Variants in WDR64 observed in about 807,000 individuals in gnomAD.
The protein encoded by WDR64 is WD repeat domain 64, also known as WD repeat-containing protein 64.
A neutral mutation model predicts 139.3 loss-of-function variants in WDR64; 112 were observed. That is an observed-to-expected ratio of 0.80 (90% CI 0.69 to 0.94). The LOEUF (loss-of-function observed/expected upper bound fraction) is 0.94, where lower values mean the gene tolerates loss of function less well. Among genes scored for constraint, WDR64 ranks in the 40% least tolerant of loss-of-function variants. The probability of loss-of-function intolerance (pLI) is 0.00; values close to 1 mark genes in which losing one functional copy is unlikely to be tolerated. For missense variants in WDR64, 1,206 were observed against 1,293.1 expected, an observed-to-expected ratio of 0.93 and a Z score of 1.03; for synonymous variants, 444 against 437.7, an observed-to-expected ratio of 1.01 and a Z score of -0.18.
At chr1:241,674,256 C>CTTTTTTTTTTTTTTTTTTTTTT (rs544401027) in intron 3 of WDR64, among the ~76,000 whole-genome samples, 2 of 121,350 alleles carry the variant, frequency 1.6e-5, no homozygotes, top group African/African-American at 6.0e-5. Context: ...CTTTTTTTTT[C>CTTTTTTTTTTTTTTTTTTTTTT]TTTTCTTTTT....
chr1:241,711,384 A>G (rs920059672), intron 8 of WDR64, among the ~76,000 whole-genome samples: 2 of 152,166 alleles, frequency 1.3e-5, no homozygotes, highest in African/African-American at 4.8e-5. Context: ...GGAAAAATTA[A>G]CAGGACTTGA....
In WDR64 at chr1:241,741,598, C is replaced by G; in HGVS notation, c.1404C>G (p.Ile468Met). The G allele has an allele frequency of 6.2e-7, 1 of 1,613,400 alleles. No homozygotes were observed. The highest frequency in any genetic ancestry group is 2.2e-5 in the East Asian group (1 of 44,820). Reference protein sequence around the residue: ...KQVPHTHEREINVMLYNKYFH... With the variant: ...KQVPHTHEREMNVMLYNKYFH... ...TTCCTCACACTCATGAACGAGAAAT[C>G]AATGTCATGCTTTACAACAAATATT... Residue 468 changes from isoleucine (I) to methionine (M), a missense_variant, in exon 12 of 28, where the codon ATC becomes ATG. Transcript: ENST00000437684.
At chr1:241,655,588 A>G (rs1665556802) in intron 1 of WDR64, among the ~76,000 whole-genome samples, 2 of 152,016 alleles carry the variant, frequency 1.3e-5, no homozygotes, top group African/African-American at 2.4e-5. Flanking sequence ...AACTCCTGGC[A>G]TTTCCCTTCA....
At chr1:241,783,828 AT>A (rs1658938732) in intron 23 of WDR64, among the ~76,000 whole-genome samples, 1 of 152,186 alleles carries the variant, frequency 6.6e-6, no homozygotes, top group East Asian at 1.9e-4. Context: ...ATTGTTATCA[AT>A]TACCTAGATA....
chr1:241,730,993 A>G (rs1476477992), intron 10 of WDR64, among the ~76,000 whole-genome samples: 1 of 152,166 alleles, frequency 6.6e-6, no homozygotes, highest in African/African-American at 2.4e-5. Context: ...CAAAACTCAA[A>G]ATATTCACAA....
intron 2 of WDR64, among the ~76,000 whole-genome samples, chr1:241,662,738 G>A (rs960655747): frequency 6.6e-6 from 1 of 152,154 alleles, no homozygotes; most frequent in Non-Finnish European, 1.5e-5. Flanking sequence ...CCACCATAGA[G>A]ACTTACCAGA....
intron 16 of WDR64, among the ~76,000 whole-genome samples, chr1:241,767,181 CAT>C (rs567164440): frequency 1.2e-3 from 188 of 152,282 alleles, no homozygotes; most frequent in Admixed American, 2.2e-3. Flanking sequence ...TCCTGGGTAG[CAT>C]ATCCTTCTCA....
chr1:241,773,844 C>T (rs571302526), intron 20 of WDR64, among the ~76,000 whole-genome samples: 2 of 152,070 alleles, frequency 1.3e-5, no homozygotes, highest in Non-Finnish European at 2.9e-5. Flanking sequence ...ATATATGCCA[C>T]TAAATATCTT....
chr1:241,738,567 A>G, intron 11 of WDR64, 78 bp downstream of exon 11: 19 of 1,439,660 alleles, frequency 1.3e-5, no homozygotes, highest in Non-Finnish European at 1.8e-5. Flanking sequence ...CTTGAGCACT[A>G]ACTACAAGGA....
At chr1:241,774,099 G>A (rs6660686) in intron 20 of WDR64, among the ~76,000 whole-genome samples, 26,303 of 152,198 alleles carry the variant, frequency 0.17, 2,646 homozygotes, top group African/African-American at 0.26. Flanking sequence ...AGGATCTTGA[G>A]TAGCCTGAGG....
chr1:241,725,386 C>A (rs746969839), intron 10 of WDR64, among the ~76,000 whole-genome samples: 1 of 151,524 alleles, frequency 6.6e-6, no homozygotes, highest in Non-Finnish European at 1.5e-5. Context: ...AGAAAAAAAC[C>A]CGGTTGCTTT....
rs773400588 is a variant in WDR64, at chr1:241,787,970, A to G, written c.2827A>G (p.Lys943Glu). The change falls in exon 24 of 28, where the codon AAA becomes GAA. Residue 943 changes from lysine to glutamate, a missense_variant. Physicochemically the swap from Lys to Glu is moderately conservative, Grantham distance 56. Coordinates refer to ENST00000437684, the MANE Select transcript of WDR64 (RefSeq NM_001367482.1). ...CDVTEYPIEI[K>E]EESKFTEKQK... Reference sequence around the variant, plus strand: ...TGTTACTGAATATCCCATAGAAATAAAAGAAGAAAGCAAGTTCACAGAGAA... The same window carrying G: ...TGTTACTGAATATCCCATAGAAATAGAAGAAGAAAGCAAGTTCACAGAGAA... The G allele has an allele frequency of 1.9e-6, 3 of 1,608,692 alleles. No homozygotes were observed. Among genetic ancestry groups the G allele is most frequent in the African/African-American group, 2.7e-5 (2 of 74,686 alleles).
intron 13 of WDR64, among the ~76,000 whole-genome samples, chr1:241,749,298 AG>A (rs1669890507): frequency 6.6e-6 from 1 of 152,196 alleles, no homozygotes; most frequent in Non-Finnish European, 1.5e-5. Context: ...GGAGAGCCTG[AG>A]GGTAGATTTC....
At chr1:241,735,855 C>CTCTGTGTG (rs1248435698) in intron 10 of WDR64, among the ~76,000 whole-genome samples, 8 of 71,608 alleles carry the variant, frequency 1.1e-4, no homozygotes, top group African/African-American at 3.8e-4. Flanking sequence ...CTCTCTCTCT[C>CTCTGTGTG]TGTGTGTGTG....
intron 19 of WDR64, 110 bp downstream of exon 19, chr1:241,771,807 T>G: frequency 4.0e-6 from 2 of 495,496 alleles, no homozygotes; most frequent in Non-Finnish European, 6.1e-6. Flanking sequence ...ATATATAAAT[T>G]CATTATATAT....
Position 241,743,277 on chromosome 1 carries a change from G to C in WDR64, c.1471-1116G>C, listed in dbSNP as rs76623104. Among the ~76,000 whole-genome samples the C allele has an allele frequency of 4.7e-3, 709 of 152,250 alleles. 3 individuals are homozygous for C. Among genetic ancestry groups the C allele is most frequent in the Non-Finnish European group, 7.9e-3 (540 of 68,004 alleles). The stretch of plus-strand genomic sequence containing the variant: ...AGGTTGGTTGGAGAGGGATCACACT[G>C]CAGGCCAGGAGATGGGTGACCCCTG... On this transcript the variant is annotated intron_variant, in intron 12 of 27. Transcript: ENST00000437684.
intron 6 of WDR64, among the ~76,000 whole-genome samples, chr1:241,681,852 A>G (rs1296811636): frequency 6.6e-6 from 1 of 151,786 alleles, no homozygotes. Context: ...TGTGGTTTTG[A>G]TTTGCATTTT....
intron 8 of WDR64, among the ~76,000 whole-genome samples, chr1:241,690,505 A>C: frequency 6.6e-6 from 1 of 151,864 alleles, no homozygotes; most frequent in Non-Finnish European, 1.5e-5. Flanking sequence ...GCCAGAGGGG[A>C]AAAAAACAAC....
At chr1:241,727,730 T>C (rs558702377) in intron 10 of WDR64, among the ~76,000 whole-genome samples, 1 of 151,990 alleles carries the variant, frequency 6.6e-6, no homozygotes, top group East Asian at 1.9e-4. Context: ...AACAGTATGA[T>C]AAGTATGGTA....
Sources: gnomAD v4.1 joint callset for allele counts (sites outside exome capture counted in the v4.1 genomes callset) on GRCh38, gnomAD v4.1.1 for gene constraint, MANE v1.5 for transcripts, NCBI Gene and HGNC (gene_info 2026-07-23, HGNC 2026-07-21) for gene names.